The following CDH10 variants were observed in gnomAD, a reference collection of about 807,000 sequenced individuals.
CDH10 encodes the protein cadherin 10.
In CDH10, 30 loss-of-function variants were observed where a neutral mutation model predicts 73.1. The observed-to-expected ratio is 0.41, with a 90% CI of 0.31 to 0.56. The LOEUF is 0.56. Among genes scored for constraint, CDH10 ranks in the 20% least tolerant of loss-of-function variants. The pLI, the probability that CDH10 is intolerant of heterozygous loss-of-function variation, is 0.27. For missense variants in CDH10, 815 were observed against 973.7 expected (o/e 0.84, Z 2.17); for synonymous variants, 345 against 348.2 (o/e 0.99, Z 0.10).
chr5:24,572,231 C>A (rs1157921448), intron 2 of CDH10, among the ~76,000 whole-genome samples: 1 of 152,104 alleles, frequency 6.6e-6, no homozygotes, highest in African/African-American at 2.4e-5. Context: ...CCGCCATCTT[C>A]TGGGAATGCG....
Position 24,511,373 on chromosome 5 carries a change from A to G in CDH10, c.956T>C (p.Ile319Thr). ...IDGDGTDMFD[I>T]VTEKDTQEGI... is the part of the protein sequence containing the mutation. ...TTCCTGTGTGTCCTTCTCAGTCACG[A>G]TGTCAAACATATCAGTACCGTCACC... is the stretch of plus-strand genomic sequence containing the variant. Residue 319 changes from isoleucine to threonine, a missense_variant, in exon 6 of 12, where the codon ATC (isoleucine) becomes ACC (threonine). Around this residue, in one of 3 missense-constraint regions of CDH10, gnomAD observed 516 missense variants for 636.6 expected, o/e 0.81. Coordinates refer to ENST00000264463, the MANE Select transcript of CDH10 (RefSeq NM_006727.5). 6.2e-7 allele frequency: 1 copy of G among 1,612,900 alleles called. No homozygotes were observed. Among genetic ancestry groups the G allele is most frequent in the Non-Finnish European group, 8.5e-7 (1 of 1,178,958 alleles).
chr5:24,558,838 T>G (rs528704734), intron 2 of CDH10, among the ~76,000 whole-genome samples: 5 of 152,000 alleles, frequency 3.3e-5, no homozygotes, highest in African/African-American at 1.2e-4. Context: ...AGTTTTTGCT[T>G]TGCTGTGGCC....
At chr5:24,617,484 A>G (rs1200158448) in intron 1 of CDH10, among the ~76,000 whole-genome samples, 1 of 152,182 alleles carries the variant, frequency 6.6e-6, no homozygotes, top group Non-Finnish European at 1.5e-5. Context: ...TGCTGATAAA[A>G]TTAGTTGACT....
At chr5:24,568,722 T>C (rs777905474) in intron 2 of CDH10, among the ~76,000 whole-genome samples, 2 of 152,128 alleles carry the variant, frequency 1.3e-5, no homozygotes, top group South Asian at 2.1e-4. Context: ...TTATTAACTA[T>C]AGCCAAAAGG....
At chr5:24,521,127 A>T (rs944225179) in intron 5 of CDH10, among the ~76,000 whole-genome samples, 4 of 152,210 alleles carry the variant, frequency 2.6e-5, no homozygotes, top group African/African-American at 9.6e-5. Context: ...AGCAACAAAA[A>T]CTCAAACTCA....
At chr5:24,537,755 T>C (rs755060212) in intron 2 of CDH10, 81 bp from the exon 3 acceptor site, 129 of 853,528 alleles carry the variant, frequency 1.5e-4, no homozygotes, top group Middle Eastern at 3.5e-4. Flanking sequence ...AGGTCTTTCA[T>C]GTCTCATCAC....
chr5:24,511,644 T>A, intron 5 of CDH10, 130 bp from the exon 6 acceptor site: 1 of 597,538 alleles, frequency 1.7e-6, no homozygotes, highest in Non-Finnish European at 3.0e-6. Flanking sequence ...ATATAATAGA[T>A]CTTAAACTCT....
intron 2 of CDH10, among the ~76,000 whole-genome samples, chr5:24,591,807 A>C (rs1166164482): frequency 6.6e-6 from 1 of 151,976 alleles, no homozygotes; most frequent in African/African-American, 2.4e-5. Flanking sequence ...TAGCTTGACT[A>C]TGAGAGTATA....
At chr5:24,572,310 C>T (rs929114751) in intron 2 of CDH10, among the ~76,000 whole-genome samples, 3 of 152,016 alleles carry the variant, frequency 2.0e-5, no homozygotes, top group Non-Finnish European at 2.9e-5. Context: ...AGAGAATTTC[C>T]CACTTCCTTT....
intron 1 of CDH10, among the ~76,000 whole-genome samples, chr5:24,607,186 T>C (rs1473982890): frequency 6.6e-6 from 1 of 152,128 alleles, no homozygotes; most frequent in Non-Finnish European, 1.5e-5. Flanking sequence ...AAGTGTTCAT[T>C]GATGTCAGCA....
At chr5:24,594,589 C>T (rs1401786847) in intron 1 of CDH10, among the ~76,000 whole-genome samples, 1 of 151,748 alleles carries the variant, frequency 6.6e-6, no homozygotes, top group African/African-American at 2.4e-5. Flanking sequence ...ACTGACTCTT[C>T]TCCAGCCACA....
chr5:24,593,748 G>T (rs1019608855), intron 1 of CDH10, 135 bp from the exon 2 acceptor site: 4 of 431,542 alleles, frequency 9.3e-6, no homozygotes, highest in Middle Eastern at 6.2e-4. Flanking sequence ...ATACAATAAC[G>T]GATAGCTTTG....
rs2111600635 is a variant in CDH10, at chr5:24,487,761, C to T, written c.2269G>A (p.Glu757Lys). 6.2e-7 allele frequency: 1 copy of T among 1,613,888 alleles called. No homozygotes were observed. Among genetic ancestry groups the T allele is most frequent in the Non-Finnish European group, 8.5e-7 (1 of 1,179,946 alleles). Residue 757 changes from glutamate to lysine, a missense_variant, in exon 12 of 12, where the codon GAA (glutamate) becomes AAA (lysine). By Grantham distance (56) the Glu-to-Lys change is moderately conservative. Around this residue, in one of 3 missense-constraint regions of CDH10, gnomAD observed 241 missense variants for 240.3 expected, o/e 1.00. Coordinates refer to ENST00000264463, the MANE Select transcript of CDH10 (RefSeq NM_006727.5). ...SLSSLESGTTEGDQNYDYLRE... is the reference protein window; with the variant it reads ...SLSSLESGTTKGDQNYDYLRE... Reference sequence around the variant, plus strand: ...AGGTAATCGTAGTTTTGGTCTCCTTCAGTAGTACCTGATTCTAATGAACTC... The same window carrying T: ...AGGTAATCGTAGTTTTGGTCTCCTTTAGTAGTACCTGATTCTAATGAACTC...
intron 2 of CDH10, among the ~76,000 whole-genome samples, chr5:24,566,110 G>T (rs111414890): frequency 0.014 from 2,199 of 152,182 alleles, 56 homozygotes; most frequent in African/African-American, 0.05. Context: ...GTGGAGTGGT[G>T]CGATTTCAGC....
At chr5:24,591,116 G>T (rs1230408992) in intron 2 of CDH10, among the ~76,000 whole-genome samples, 1 of 151,938 alleles carries the variant, frequency 6.6e-6, no homozygotes, top group Non-Finnish European at 1.5e-5. Flanking sequence ...AATATCATAT[G>T]TTAAACATTG....
At chr5:24,546,508 C>T (rs557334326) in intron 2 of CDH10, among the ~76,000 whole-genome samples, 3 of 151,972 alleles carry the variant, frequency 2.0e-5, no homozygotes, top group Non-Finnish European at 2.9e-5. Flanking sequence ...CCTAAAACTT[C>T]GTACTCATCT....
intron 2 of CDH10, among the ~76,000 whole-genome samples, chr5:24,565,463 C>A (rs1456255727): frequency 6.6e-6 from 1 of 152,098 alleles, no homozygotes; most frequent in Non-Finnish European, 1.5e-5. Flanking sequence ...AAAATCTCTA[C>A]ACTAAAATCT....
chr5:24,631,446 A>G (rs569679204), intron 1 of CDH10, among the ~76,000 whole-genome samples: 1 of 152,042 alleles, frequency 6.6e-6, no homozygotes, highest in Non-Finnish European at 1.5e-5. Flanking sequence ...TAAGAAAAAT[A>G]TATTTCAGGA....
chr5:24,621,255 T>C lies in CDH10; in HGVS notation c.-124+23339A>G, dbSNP rs181038963. Among the ~76,000 whole-genome samples, 813 of 152,268 alleles carry C rather than the reference T, an allele frequency of 5.3e-3. 6 individuals are homozygous for C. The highest frequency in any genetic ancestry group is 0.014 in the Middle Eastern group (4 of 294). ...AGAAACTGAGTCTCCCTGAGATCTC[T>C]GGGACTGGCTGCCATCTAGAAACCC... On this transcript the variant is annotated intron_variant, in intron 1 of 11. Coordinates refer to ENST00000264463, the MANE Select transcript of CDH10 (RefSeq NM_006727.5).
Sources: allele counts gnomAD v4.1 joint callset (sites outside exome capture counted in the v4.1 genomes callset), GRCh38; gene constraint gnomAD v4.1.1; regional missense constraint gnomAD v4.1.1; transcripts MANE v1.5; gene names NCBI Gene and HGNC (gene_info 2026-07-23, HGNC 2026-07-21).